The following DGKE variants were observed in gnomAD, a reference collection of about 807,000 sequenced individuals.
The protein encoded by DGKE is diacylglycerol kinase epsilon.
In DGKE, 53 loss-of-function variants were observed where a neutral mutation model predicts 70.0. The ratio of observed to expected loss-of-function variants is 0.76; its 90% CI spans 0.61 to 0.95. DGKE has a LOEUF of 0.95. Among genes scored for constraint, DGKE ranks in the 40% least tolerant of loss-of-function variants. The probability of loss-of-function intolerance (pLI) is 0.00; values close to 1 mark genes in which losing one functional copy is unlikely to be tolerated. For synonymous variants in DGKE, 291 were observed against 257.0 expected (o/e 1.13, Z -1.27); for missense variants, 655 against 706.9 (o/e 0.93, Z 0.83).
In DGKE at chr17:56,834,909, C is replaced by T; in HGVS notation, c.114C>T (p.Phe38=). The T allele has an allele frequency of 6.2e-7, 1 of 1,613,748 alleles. No individual in the cohort carries two copies. Among genetic ancestry groups the T allele is most frequent in the Non-Finnish European group, 8.5e-7 (1 of 1,179,984 alleles). ...TCCTGCTGCCGGTGTTCATCACCTT[C>T]TGGTGTAGCCTCCAGCGGTCGCGCC... ...CSVLLPVFIT[F]WCSLQRSRRQ... The change falls in exon 2 of 12, where the codon TTC becomes TTT. Residue 38 remains phenylalanine (F), a synonymous_variant. Transcript: ENST00000284061.
At chr17:56,855,493 G>A (rs942342408) in intron 7 of DGKE, among the ~76,000 whole-genome samples, 2 of 152,188 alleles carry the variant, frequency 1.3e-5, no homozygotes, top group Non-Finnish European at 2.9e-5. Context: ...AGGCAGGAGA[G>A]CTGGTTATCA....
Position 56,834,780 on chromosome 17 carries a change from A to G in DGKE, c.-16A>G, listed in dbSNP as rs1906462873. ...CCGCCTGTTTCTTTTCTGGTTAGGTATCGTCCTTGGAGAAGATGGAAGCGG... is the reference window on the plus strand; with the variant it reads ...CCGCCTGTTTCTTTTCTGGTTAGGTGTCGTCCTTGGAGAAGATGGAAGCGG... On this transcript the variant is annotated splice_region_variant and 5_prime_UTR_variant, in exon 2 of 12. Coordinates refer to ENST00000284061, the MANE Select transcript of DGKE (RefSeq NM_003647.3). 1.3e-6 allele frequency: 2 copies of G among 1,584,748 alleles called. No individual in the cohort carries two copies. The highest frequency in any genetic ancestry group is 1.7e-6 in the Non-Finnish European group (2 of 1,166,750).
chr17:56,859,839 T>A (rs1908187535), intron 9 of DGKE, among the ~76,000 whole-genome samples: 1 of 152,136 alleles, frequency 6.6e-6, no homozygotes, highest in Non-Finnish European at 1.5e-5. Context: ...TAAAAAGAGA[T>A]CATAAACAGT....
chr17:56,834,668 G>A, intron 1 of DGKE, 110 bp from the exon 2 acceptor site: 1 of 1,019,490 alleles, frequency 9.8e-7, no homozygotes, highest in Non-Finnish European at 1.4e-6. Flanking sequence ...GCCCTCGGGA[G>A]AGCGGAGCCA....
At chr17:56,851,852 T>C (rs1907670265) in intron 7 of DGKE, among the ~76,000 whole-genome samples, 1 of 152,040 alleles carries the variant, frequency 6.6e-6, no homozygotes, top group South Asian at 2.1e-4. Context: ...TCTTATAAAC[T>C]AAAATTCGGT....
At chr17:56,855,202 T>A (rs1424868667) in intron 7 of DGKE, among the ~76,000 whole-genome samples, 1 of 151,514 alleles carries the variant, frequency 6.6e-6, no homozygotes, top group Middle Eastern at 3.2e-3. Flanking sequence ...GTTTTTTTTT[T>A]AAAGAACAAC....
At chr17:56,862,570 G>A (rs1011410267) in intron 11 of DGKE, 42 bp from the exon 12 acceptor site, 5 of 1,448,134 alleles carry the variant, frequency 3.5e-6, no homozygotes, top group East Asian at 2.5e-5. Context: ...TTCTAAATTT[G>A]GGGGGACTGA....
intron 7 of DGKE, among the ~76,000 whole-genome samples, chr17:56,855,786 A>G (rs991151298): frequency 1.8e-4 from 27 of 152,092 alleles, no homozygotes; most frequent in Admixed American, 1.8e-3. Context: ...CAGGCGAATC[A>G]CGAGGTCAGG....
chr17:56,850,519 TAAG>T (rs1472077195), intron 7 of DGKE, among the ~76,000 whole-genome samples: 1 of 152,024 alleles, frequency 6.6e-6, no homozygotes, highest in Non-Finnish European at 1.5e-5. Context: ...AGTAAGTAAA[TAAG>T]GAGAAAACAG....
At chr17:56,856,420 C>G (rs1054473295) in intron 7 of DGKE, 92 bp from the exon 8 acceptor site, 2 of 1,385,582 alleles carry the variant, frequency 1.4e-6, no homozygotes, top group Admixed American at 5.3e-5. Context: ...TCTCCATTGT[C>G]AAAAGAACAC....
In DGKE at chr17:56,847,917, T is replaced by A. The variant is rs1375442178; in HGVS notation, c.745-5T>A. 2 of 1,541,680 alleles carry A rather than the reference T, an allele frequency of 1.3e-6. No individual in the cohort carries two copies. Among genetic ancestry groups the A allele is most frequent in the Non-Finnish European group, 1.7e-6 (2 of 1,147,250 alleles). ...AAATAATTTGTCTTTTTCTTTTGTT[T>A]CTAGGTTTTTGATGTAACTAAAACT... On this transcript the variant is annotated splice_region_variant and splice_polypyrimidine_tract_variant and intron_variant, in intron 4 of 11. Transcript: ENST00000284061.
At chr17:56,843,223 T>G (rs1907089719) in intron 2 of DGKE, among the ~76,000 whole-genome samples, 1 of 152,226 alleles carries the variant, frequency 6.6e-6, no homozygotes, top group African/African-American at 2.4e-5. Flanking sequence ...AAATTAAAAC[T>G]GATAAATTTT....
intron 3 of DGKE, 99 bp from the exon 4 acceptor site, chr17:56,845,591 T>C: frequency 7.7e-7 from 1 of 1,291,836 alleles, no homozygotes; most frequent in Non-Finnish European, 1.0e-6. Flanking sequence ...GTATAGTTTT[T>C]ATTTCAGCAA....
rs1225326700 is a variant in DGKE at position 56,856,556 on chromosome 17, C to T, written c.1143C>T (p.Leu381=). Residue 381 remains leucine (L), a synonymous_variant, in exon 8 of 12, where the codon CTC becomes CTT. Transcript: ENST00000284061. Reference sequence around the variant, plus strand: ...ATTTTTCTGTTGGACCTGATGCTCTCATGGCTCTCAATTTTCATGCTCATC... The same window carrying T: ...ATTTTTCTGTTGGACCTGATGCTCTTATGGCTCTCAATTTTCATGCTCATC... The part of the protein sequence containing the change: ...NNYFSVGPDA[L]MALNFHAHRE... 1.2e-6 allele frequency: 2 copies of T among 1,613,972 alleles called. No homozygotes were observed. Among genetic ancestry groups the T allele is most frequent in the African/African-American group, 1.3e-5 (1 of 75,046 alleles).
At chr17:56,858,227 G>C (rs1374477119) in intron 8 of DGKE, among the ~76,000 whole-genome samples, 1 of 152,054 alleles carries the variant, frequency 6.6e-6, no homozygotes, top group Non-Finnish European at 1.5e-5. Flanking sequence ...AGTTCACCTA[G>C]AACTTTTAAA....
rs111819191 is a variant in DGKE, at chr17:56,858,924, C to T, written c.1284+259C>T. Among the ~76,000 whole-genome samples the T allele has an allele frequency of 1.7e-3, 266 of 152,232 alleles. 1 individual carries two copies. Among genetic ancestry groups the T allele is most frequent in the African/African-American group, 6.1e-3 (252 of 41,532 alleles). Reference sequence around the variant, plus strand: ...TTAAATGAAGTAATTTGCCCAAATTCTCTCATTTAATGCCTAAATGCACAT... The same window carrying T: ...TTAAATGAAGTAATTTGCCCAAATTTTCTCATTTAATGCCTAAATGCACAT... On this transcript the variant is annotated intron_variant, in intron 9 of 11. Transcript: ENST00000284061.
At chr17:56,846,901 ATTTTT>A (rs924473776) in intron 4 of DGKE, among the ~76,000 whole-genome samples, 1 of 152,076 alleles carries the variant, frequency 6.6e-6, no homozygotes, top group South Asian at 2.1e-4. Context: ...TTGCATTCTG[ATTTTT>A]TTAATTTTAA....
intron 7 of DGKE, among the ~76,000 whole-genome samples, chr17:56,855,552 G>T (rs928301707): frequency 3.3e-5 from 5 of 152,174 alleles, no homozygotes; most frequent in Admixed American, 2.0e-4. Flanking sequence ...GGGAATACAG[G>T]AAAGGAGTCA....
chr17:56,845,044 T>G (rs1353486532), intron 3 of DGKE, among the ~76,000 whole-genome samples: 2 of 152,138 alleles, frequency 1.3e-5, no homozygotes, highest in Admixed American at 6.5e-5. Flanking sequence ...AATCTCTTAT[T>G]TATCTGAGTT....
Sources: allele counts gnomAD v4.1 joint callset (sites outside exome capture counted in the v4.1 genomes callset), GRCh38; gene constraint gnomAD v4.1.1; transcripts MANE v1.5; gene names NCBI Gene and HGNC (gene_info 2026-07-23, HGNC 2026-07-21).